The following CDYL2 variants were observed in gnomAD, a reference collection of about 807,000 sequenced individuals.
CDYL2 encodes the protein chromodomain Y-like protein 2.
Under a neutral mutation model 49.4 loss-of-function variants are expected in CDYL2, and 23 were observed. The ratio of observed to expected loss-of-function variants is 0.47; its 90% CI spans 0.34 to 0.66. The LOEUF (loss-of-function observed/expected upper bound fraction) is 0.66, where lower values mean the gene tolerates loss of function less well. CDYL2 is among the 30% of genes least tolerant of loss of function. The probability of loss-of-function intolerance (pLI) is 0.01; values close to 1 mark genes in which losing one functional copy is unlikely to be tolerated. For missense variants in CDYL2, 678 were observed against 656.4 expected (o/e 1.03, Z -0.36); for synonymous variants, 360 against 268.8 (o/e 1.34, Z -3.32).
intron 2 of CDYL2, among the ~76,000 whole-genome samples, chr16:80,662,940 A>G (rs117971834): frequency 0.012 from 1,765 of 152,174 alleles, 14 homozygotes; most frequent in Middle Eastern, 0.041. Context: ...CCCAGCACAA[A>G]GAACGACACA....
chr16:80,628,340 T>C (rs1419354528), intron 3 of CDYL2: 11 of 152,254 alleles, frequency 7.2e-5, no homozygotes. Context: ...AGGAGGAGAA[T>C]AGGTGACAAA....
intron 1 of CDYL2, among the ~76,000 whole-genome samples, chr16:80,736,072 T>C (rs1328342485): frequency 1.3e-5 from 2 of 152,238 alleles, no homozygotes; most frequent in African/African-American, 4.8e-5. Context: ...CATAGGCCAG[T>C]GACCTTGAGA....
chr16:80,730,172 T>C (rs1330074246), intron 1 of CDYL2, among the ~76,000 whole-genome samples: 1 of 152,118 alleles, frequency 6.6e-6, no homozygotes, highest in African/African-American at 2.4e-5. Flanking sequence ...ATCTAGTTTT[T>C]TGAAAGGATC....
In CDYL2 at chr16:80,793,564, A is replaced by G. The variant is rs535405727; in HGVS notation, c.24+10586T>C. 5.9e-5 allele frequency among the ~76,000 whole-genome samples: 9 copies of G among 152,320 alleles called. No individual in the cohort carries two copies. The South Asian group carries it at 6.2e-4, about 11-fold the overall frequency. ...TCAAACATTTTCAACCATTCATTCAATGAATATTTACTGAAAAGCTACAGG... is the reference window on the plus strand; with the variant it reads ...TCAAACATTTTCAACCATTCATTCAGTGAATATTTACTGAAAAGCTACAGG... On this transcript the variant is annotated intron_variant, in intron 1 of 6. Transcript: ENST00000570137.
chr16:80,620,273 T>C (rs544015988), intron 4 of CDYL2, among the ~76,000 whole-genome samples: 49 of 152,284 alleles, frequency 3.2e-4, no homozygotes, highest in African/African-American at 1.1e-3. Flanking sequence ...GGGGAAATAC[T>C]CTGTACCCCG....
chr16:80,686,725 A>C (rs1202822925), intron 1 of CDYL2, among the ~76,000 whole-genome samples: 4 of 152,254 alleles, frequency 2.6e-5, no homozygotes, highest in Non-Finnish European at 5.9e-5. Context: ...GAGGTCATGC[A>C]AAATAATTAA....
chr16:80,622,699 C>G (rs1907134625), intron 3 of CDYL2, among the ~76,000 whole-genome samples: 1 of 152,076 alleles, frequency 6.6e-6, no homozygotes, highest in Admixed American at 6.5e-5. Flanking sequence ...GCTTGCTCAC[C>G]CACCTAGAAG....
rs1040668253 is a variant in CDYL2 at position 80,672,624 on chromosome 16, G to C, written c.616+11914C>G. ...GGAAAGGAAAGGAAAAGAAAGGAAA[G>C]GAAAGGAAGAAAGAGGACCACAATT... On this transcript the variant is annotated intron_variant, in intron 2 of 6. Transcript: ENST00000570137. Among the ~76,000 whole-genome samples the C allele has an allele frequency of 2.0e-5, 3 of 146,854 alleles. No homozygotes were observed. The South Asian group carries it at 6.6e-4, about 32-fold the overall frequency.
intron 1 of CDYL2, among the ~76,000 whole-genome samples, chr16:80,733,764 A>AC (rs1384988109): frequency 1.3e-5 from 2 of 152,172 alleles, no homozygotes; most frequent in Non-Finnish European, 2.9e-5. Context: ...CAGATCACAG[A>AC]CCCAGTGATT....
intron 1 of CDYL2, among the ~76,000 whole-genome samples, chr16:80,774,741 T>C (rs1040666173): frequency 6.6e-6 from 1 of 151,740 alleles, no homozygotes; most frequent in Non-Finnish European, 1.5e-5. Context: ...ATCTGAAGAG[T>C]ATTTTCAACA....
At chr16:80,666,534 T>C (rs1273230218) in intron 2 of CDYL2, among the ~76,000 whole-genome samples, 1 of 152,022 alleles carries the variant, frequency 6.6e-6, no homozygotes, top group East Asian at 1.9e-4. Flanking sequence ...TTCGTGAATA[T>C]AAAGGGAAGA....
rs763194077 is a variant in CDYL2, at chr16:80,712,215, A to ATATATATATATATATATC, written c.25-27087_25-27086insGATATATATATATATATA. 6.0e-3 allele frequency among the ~76,000 whole-genome samples: 770 copies of ATATATATATATATATATC among 128,272 alleles called. 12 individuals are homozygous for ATATATATATATATATATC. The highest frequency in any genetic ancestry group is 8.2e-3 in the Non-Finnish European group (467 of 56,932). 84.2% of individuals were successfully genotyped at this position (128,272 alleles called of 152,430 possible). A position where few individuals can be genotyped will look rare whatever the true frequency, so the allele number is the denominator to read the frequency against. ...TGTATATATATATATATATATATATATCTCCAAACCACTGCTCACTGTGAT... is the reference window on the plus strand; with the variant it reads ...TGTATATATATATATATATATATATATATATATATATATATATCTCTCCAAACCACTGCTCACTGTGAT... On this transcript the variant is annotated intron_variant, in intron 1 of 6. Transcript: ENST00000570137.
At chr16:80,720,768 A>C (rs1904971040) in intron 1 of CDYL2, among the ~76,000 whole-genome samples, 1 of 152,186 alleles carries the variant, frequency 6.6e-6, no homozygotes, top group Non-Finnish European at 1.5e-5. Flanking sequence ...TTAGTGAGTG[A>C]AGATTTCAGT....
intron 4 of CDYL2, among the ~76,000 whole-genome samples, chr16:80,618,938 T>G (rs1302085725): frequency 6.6e-6 from 1 of 152,154 alleles, no homozygotes; most frequent in Non-Finnish European, 1.5e-5. Flanking sequence ...ACCACAAACT[T>G]GGCAGTTTAA....
Position 80,674,689 on chromosome 16 carries a change from T to C in CDYL2, c.616+9849A>G, listed in dbSNP as rs113134979. ...CTACAGATTCACCTATTCTGGACAT[T>C]TGACATAAGTGGAATCATATCATAT... On this transcript the variant is annotated intron_variant, in intron 2 of 6. Transcript: ENST00000570137. Among the ~76,000 whole-genome samples, 948 of 152,350 alleles carry C rather than the reference T, an allele frequency of 6.2e-3. 15 individuals carry two copies. Among genetic ancestry groups the C allele is most frequent in the African/African-American group, 0.022 (902 of 41,584 alleles).
In CDYL2 at chr16:80,738,314, C is replaced by T. The variant is rs561073875; in HGVS notation, c.25-53185G>A. 4.6e-5 allele frequency among the ~76,000 whole-genome samples: 7 copies of T among 152,154 alleles called. No homozygotes were observed. The East Asian group carries it at 9.6e-4, about 21-fold the overall frequency. On this transcript the variant is annotated intron_variant, in intron 1 of 6. Coordinates refer to ENST00000570137, the MANE Select transcript of CDYL2 (RefSeq NM_152342.4). ...CAAGTCTTTACTATTTTGAATAGTG[C>T]TGCAATAAACATACATGCGCATCTG...
chr16:80,705,964 T>C (rs965935917), intron 1 of CDYL2, among the ~76,000 whole-genome samples: 1 of 152,240 alleles, frequency 6.6e-6, no homozygotes, highest in Non-Finnish European at 1.5e-5. Flanking sequence ...GAAAAGCATA[T>C]ATTGAGCATC....
rs150863126 is a variant in CDYL2, at chr16:80,633,275, G to T, written c.617-39C>A. The T allele has an allele frequency of 8.9e-4, 1,412 of 1,585,448 alleles. 1 individual carries two copies. Among genetic ancestry groups the T allele is most frequent in the South Asian group, 1.3e-3 (116 of 89,382 alleles). On this transcript the variant is annotated intron_variant, in intron 2 of 6. Coordinates refer to ENST00000570137, the MANE Select transcript of CDYL2 (RefSeq NM_152342.4). ...ATAAACAATGTAAGAAACTGAAATG[G>T]ACCACGATCCTAGAAGGATGTGATC...
chr16:80,793,233 G>A (rs1268849549), intron 1 of CDYL2, among the ~76,000 whole-genome samples: 3 of 152,194 alleles, frequency 2.0e-5, no homozygotes, highest in Non-Finnish European at 4.4e-5. Context: ...GCAAACCACA[G>A]GGCGGTCTTT....
Sources: gnomAD v4.1 joint callset for allele counts (sites outside exome capture counted in the v4.1 genomes callset) on GRCh38, gnomAD v4.1.1 for gene constraint, MANE v1.5 for transcripts, NCBI Gene and HGNC (gene_info 2026-07-23, HGNC 2026-07-21) for gene names.